The following SPATA31H1 variants were observed in gnomAD, a reference collection of about 807,000 sequenced individuals.
SPATA31H1 encodes spermatogenesis-associated protein 31H1.
At chr2:27,576,492 G>A in the SPATA31H1 span, 11 of 1,090,820 alleles carry the variant, frequency 1.0e-5, no homozygotes, top group Non-Finnish European at 1.4e-5. Flanking sequence ...AAATTCTTCA[G>A]GGTTGACATC....
At chr2:27,581,331 CAGA>C in the SPATA31H1 span, 1 of 1,609,560 alleles carries the variant, frequency 6.2e-7, no homozygotes, top group East Asian at 2.2e-5. Context: ...CAGTCCCTCT[CAGA>C]GGAGCCACTG....
the SPATA31H1 span, chr2:27,567,714 G>C: frequency 5.0e-6 from 2 of 400,158 alleles, no homozygotes; most frequent in African/African-American, 4.1e-5. Context: ...ACATGTGCTA[G>C]AGCTTAGTAT....
At chr2:27,569,408 A>G in the SPATA31H1 span, 1 of 399,008 alleles carries the variant, frequency 2.5e-6, no homozygotes, top group Non-Finnish European at 4.4e-6. Context: ...CAGTACCACC[A>G]CATTCAGAAA....
the SPATA31H1 span, chr2:27,577,305 G>C: frequency 6.2e-7 from 1 of 1,614,088 alleles, no homozygotes; most frequent in Non-Finnish European, 8.5e-7. The surrounding 1 kb of genome is among the most constrained non-coding windows in gnomAD (Gnocchi z 4.5). Context: ...ACGGCCCCGA[G>C]TTAAGGATGT....
chr2:27,554,419 CT>C, the SPATA31H1 span, among the ~76,000 whole-genome samples: 1 of 151,938 alleles, frequency 6.6e-6, no homozygotes, highest in Non-Finnish European at 1.5e-5. Flanking sequence ...ACAACAGAAA[CT>C]TTTTTCTCAC....
At chr2:27,555,999 G>A in the SPATA31H1 span, among the ~76,000 whole-genome samples, 3 of 151,714 alleles carry the variant, frequency 2.0e-5, no homozygotes, top group African/African-American at 7.3e-5. Flanking sequence ...GGGCATGGTG[G>A]CATGTGCCTG....
At chr2:27,579,174 C>G in the SPATA31H1 span, 2 of 1,614,136 alleles carry the variant, frequency 1.2e-6, no homozygotes, top group Non-Finnish European at 8.5e-7. Context: ...CAAGTCTTTC[C>G]CGGGCAGACA....
At chr2:27,539,121 TTTTTTA>T in the SPATA31H1 span, among the ~76,000 whole-genome samples, 8 of 131,116 alleles carry the variant, frequency 6.1e-5, no homozygotes, top group African/African-American at 2.4e-4. Flanking sequence ...TTTTTTTTTT[TTTTTTA>T]ATTGATCATT....
the SPATA31H1 span, chr2:27,572,022 G>A: frequency 5.8e-5 from 23 of 398,336 alleles, no homozygotes; most frequent in African/African-American, 4.7e-4. Flanking sequence ...GAAAGGGTCT[G>A]AGTCAGAAGG....
At chr2:27,571,728 C>G in the SPATA31H1 span, 1 of 398,466 alleles carries the variant, frequency 2.5e-6, no homozygotes, top group Non-Finnish European at 4.4e-6. Flanking sequence ...GGAGATTACT[C>G]CATGTTTAAA....
the SPATA31H1 span, among the ~76,000 whole-genome samples, chr2:27,541,358 T>G: frequency 3.3e-5 from 5 of 151,092 alleles, no homozygotes; most frequent in South Asian, 2.1e-4. Flanking sequence ...CCGTCCAGCT[T>G]TGGCTCGGCA....
chr2:27,547,177 C>A, the SPATA31H1 span, among the ~76,000 whole-genome samples: 2 of 137,890 alleles, frequency 1.5e-5, no homozygotes, highest in Non-Finnish European at 3.2e-5. Flanking sequence ...CAACTTTGAT[C>A]TTTTTTTTTT....
chr2:27,565,285 C>A, the SPATA31H1 span: 1 of 711,558 alleles, frequency 1.4e-6, no homozygotes, highest in East Asian at 2.7e-5. Context: ...TCAATAAAGT[C>A]TCTAACCTAG....
At chr2:27,568,719 G>A in the SPATA31H1 span, 1 of 398,890 alleles carries the variant, frequency 2.5e-6, no homozygotes, top group African/African-American at 2.1e-5. Context: ...TGTCAGATCT[G>A]AGAAGGTAGC....
At chr2:27,563,580 G>C in the SPATA31H1 span, among the ~76,000 whole-genome samples, 1 of 146,748 alleles carries the variant, frequency 6.8e-6, no homozygotes, top group Non-Finnish European at 1.5e-5. Context: ...TTTTTTTTGA[G>C]ACTGAGTCTT....
the SPATA31H1 span, among the ~76,000 whole-genome samples, chr2:27,545,962 A>T: frequency 6.6e-6 from 1 of 151,904 alleles, no homozygotes; most frequent in Non-Finnish European, 1.5e-5. Context: ...GCAACTTCTC[A>T]TGTTTATTGG....
chr2:27,570,747 G>C, the SPATA31H1 span: 1 of 398,854 alleles, frequency 2.5e-6, no homozygotes, highest in Non-Finnish European at 4.4e-6. Flanking sequence ...AGGGCCAGAG[G>C]GGGAAGGGGT....
chr2:27,565,991 A>G, the SPATA31H1 span: 1 of 715,908 alleles, frequency 1.4e-6, no homozygotes, highest in Non-Finnish European at 2.6e-6. Context: ...GGACAAAATG[A>G]TCATGATCAT....
the SPATA31H1 span, among the ~76,000 whole-genome samples, chr2:27,548,944 C>T: frequency 4.0e-5 from 6 of 151,234 alleles, no homozygotes; most frequent in Middle Eastern, 3.4e-3. Context: ...TGTGGTGGCA[C>T]GCGCCTGTAA....
Sources: allele counts gnomAD v4.1 joint callset (sites outside exome capture counted in the v4.1 genomes callset), GRCh38; gene constraint gnomAD v4.1.1; non-coding constraint Gnocchi (gnomAD v3.1); transcripts MANE v1.5; gene names NCBI Gene and HGNC (gene_info 2026-07-23, HGNC 2026-07-21).